Variants in PAX4 observed in about 807,000 individuals in gnomAD.
PAX4 encodes paired box 4, also known as paired box protein Pax-4.
In PAX4, 33 loss-of-function variants were observed where a neutral mutation model predicts 40.6. The ratio of observed to expected loss-of-function variants is 0.81; its 90% CI spans 0.62 to 1.09. PAX4 has a LOEUF of 1.09. Ranked by LOEUF, PAX4 falls within the 50% of genes least tolerant of loss-of-function variation. PAX4 has a pLI of 0.00. For missense variants in PAX4, 459 were observed against 442.5 expected, an observed-to-expected ratio of 1.04 and a Z score of -0.33; for synonymous variants, 174 against 170.6, an observed-to-expected ratio of 1.02 and a Z score of -0.16.
At chr7:127,614,641 T>A in intron 5 of PAX4, 84 bp from the exon 6 acceptor site, 1 of 1,242,046 alleles carries the variant, frequency 8.1e-7, no homozygotes. Context: ...ATATCCTTTT[T>A]CCCATCTGTC....
chr7:127,611,207 C>G lies in PAX4; in HGVS notation c.914-1G>C. ...GAATTCGGCTGTGGGGGCAAGTGGC[C>G]TGTGGGGACAAATAGAGAGAGCTTG... On this transcript the variant is annotated splice_acceptor_variant, in intron 11 of 11. Transcript: ENST00000639438. LOFTEE classifies it high-confidence loss of function. 1 of 1,595,300 alleles carries G rather than the reference C, an allele frequency of 6.3e-7. No homozygotes were observed. Among genetic ancestry groups the G allele is most frequent in the Non-Finnish European group, 8.5e-7 (1 of 1,171,070 alleles).
At chr7:127,611,492 C>T in intron 11 of PAX4, 43 bp downstream of exon 11, 2 of 1,612,850 alleles carry the variant, frequency 1.2e-6, no homozygotes, top group Non-Finnish European at 1.7e-6. Flanking sequence ...TCAGTCGACC[C>T]TCCCTACATC....
chr7:127,617,039 A>G (rs990207358), intron 2 of PAX4, among the ~76,000 whole-genome samples: 1 of 152,212 alleles, frequency 6.6e-6, no homozygotes, highest in Non-Finnish European at 1.5e-5. Context: ...TAAGCGTGCC[A>G]TCTGGGCTTA....
chr7:127,615,124 G>A (rs1277336113), intron 4 of PAX4, 29 bp from the exon 5 acceptor site: 1 of 1,613,952 alleles, frequency 6.2e-7, no homozygotes, highest in Non-Finnish European at 8.5e-7. Flanking sequence ...AGGGACAGGT[G>A]AGGCATGATG....
chr7:127,617,430 A>G (rs1794737872), intron 1 of PAX4, 30 bp from the exon 2 acceptor site: 1 of 152,320 alleles, frequency 6.6e-6, no homozygotes, highest in Non-Finnish European at 1.5e-5. Flanking sequence ...CAAGGTTTAG[A>G]AGCCAGTTCC....
chr7:127,612,961 A>G, intron 9 of PAX4, 61 bp downstream of exon 9: 2 of 1,234,246 alleles, frequency 1.6e-6, no homozygotes, highest in Non-Finnish European at 2.4e-6. Context: ...GGATGGATGG[A>G]TGGATGGATG....
intron 5 of PAX4, 141 bp from the exon 6 acceptor site, chr7:127,614,698 A>C: frequency 2.7e-6 from 3 of 1,098,492 alleles, no homozygotes; most frequent in Non-Finnish European, 2.7e-6. Flanking sequence ...CTCTCTCTCT[A>C]TGCTTTCTCC....
rs762091729 is a variant in PAX4, at chr7:127,613,850, A to C, written c.468T>G (p.His156Gln). ...TACCCCGGGGAGTCTCAGAGCCACT[A>C]TGGGGAGTGAGGACAGCTGGAGCCA... is the stretch of plus-strand genomic sequence containing the variant. Reference protein sequence around the residue: ...AVLAPAVLTPHSGSETPRGTH... With the variant: ...AVLAPAVLTPQSGSETPRGTH... Residue 156 changes from histidine to glutamine, a missense_variant, in exon 7 of 12, where the codon CAT becomes CAG. His to Gln is a conservative substitution (Grantham distance 24). Transcript: ENST00000639438. 1 of 1,613,768 alleles carries C rather than the reference A, an allele frequency of 6.2e-7. No homozygotes were observed. Among genetic ancestry groups the C allele is most frequent in the African/African-American group, 1.3e-5 (1 of 74,844 alleles).
intron 10 of PAX4, 121 bp from the exon 11 acceptor site, chr7:127,611,797 T>G (rs763782806): frequency 1.3e-6 from 2 of 1,598,918 alleles, no homozygotes; most frequent in South Asian, 2.2e-5. Flanking sequence ...AGGGCACCAT[T>G]CACATAGTAG....
intron 6 of PAX4, 38 bp from the exon 7 acceptor site, chr7:127,613,919 G>A: frequency 6.2e-7 from 1 of 1,612,432 alleles, no homozygotes; most frequent in Non-Finnish European, 8.5e-7. Flanking sequence ...GGTTTGTGAT[G>A]GTGATTCCTC....
intron 2 of PAX4, among the ~76,000 whole-genome samples, chr7:127,616,769 A>G (rs1794729453): frequency 6.6e-6 from 1 of 152,276 alleles, no homozygotes. Flanking sequence ...TCAGACACTC[A>G]TTCATTCAAC....
chr7:127,613,954 CTGGGGCTGCAGCCGGGAGACACCA>C, intron 6 of PAX4, 73 bp from the exon 7 acceptor site: 1 of 1,580,448 alleles, frequency 6.3e-7, no homozygotes, highest in African/African-American at 1.3e-5. Flanking sequence ...CCCTGAGTCT[CTGGGGCTGCAGCCGGGAGACACCA>C]TGGGTAGAAG....
At chr7:127,615,715 G>GGTGA in intron 3 of PAX4, 184 bp from the exon 4 acceptor site, 1 of 1,508,128 alleles carries the variant, frequency 6.6e-7, no homozygotes, top group South Asian at 1.3e-5. Context: ...CTGGCTCACG[G>GGTGA]GTGAGTCTTT....
intron 3 of PAX4, 170 bp downstream of exon 3, chr7:127,615,746 A>G (rs1794715541): frequency 6.7e-7 from 1 of 1,496,250 alleles, no homozygotes; most frequent in Non-Finnish European, 8.9e-7. Context: ...CATACCCGCC[A>G]ACTCTCCTGA....
At chr7:127,611,742 C>T in intron 10 of PAX4, 66 bp from the exon 11 acceptor site, 1 of 1,602,314 alleles carries the variant, frequency 6.2e-7, no homozygotes, top group Non-Finnish European at 8.5e-7. Context: ...AACGCCGGGA[C>T]CCCAGAGCTG....
At chr7:127,611,779 A>T (rs890469864) in intron 10 of PAX4, 103 bp from the exon 11 acceptor site, 2 of 1,601,592 alleles carry the variant, frequency 1.2e-6, no homozygotes, top group Non-Finnish European at 1.7e-6. Flanking sequence ...TATCCTGCAC[A>T]ACTCCAGAGG....
At chr7:127,617,460 C>G (rs1223263653) in intron 1 of PAX4, 60 bp from the exon 2 acceptor site, 2 of 152,170 alleles carry the variant, frequency 1.3e-5, no homozygotes, top group African/African-American at 4.8e-5. Flanking sequence ...GCTACAATTT[C>G]TGGCTCCTAA....
rs1408165068 is a variant in PAX4, at chr7:127,615,733, GCCC to G, written c.13+180_13+182del. The G allele has an allele frequency of 3.3e-6, 5 of 1,498,122 alleles. No individual in the cohort carries two copies. In the African/African-American group the frequency reaches 6.9e-5, roughly 21 times the overall value. The allele number at this position is 1,498,122 out of a possible 1,614,324, so 92.8% of individuals were successfully genotyped here. Reference sequence around the variant, plus strand: ...GCTCACGGGTGAGTCTTTGTTCCTTGCCCATACCCGCCAACTCTCCTGATCTAA... The same window carrying G: ...GCTCACGGGTGAGTCTTTGTTCCTTGATACCCGCCAACTCTCCTGATCTAA... On this transcript the variant is annotated intron_variant, in intron 3 of 11. Transcript: ENST00000639438.
intron 8 of PAX4, 92 bp downstream of exon 8, chr7:127,613,358 A>C: frequency 8.1e-7 from 1 of 1,229,248 alleles, no homozygotes; most frequent in South Asian, 1.2e-5. Context: ...CCAATTTCTC[A>C]CCTCCCCTCT....
Sources: allele counts gnomAD v4.1 joint callset (sites outside exome capture counted in the v4.1 genomes callset), GRCh38; gene constraint gnomAD v4.1.1; transcripts MANE v1.5; gene names NCBI Gene and HGNC (gene_info 2026-07-23, HGNC 2026-07-21).